The following RGS7 variants were observed in gnomAD, a reference collection of about 807,000 sequenced individuals.
The protein encoded by RGS7 is regulator of G protein signaling 7.
A neutral mutation model predicts 81.1 loss-of-function variants in RGS7; 27 were observed. The ratio of observed to expected loss-of-function variants is 0.33; its 90% CI spans 0.25 to 0.46. The LOEUF (loss-of-function observed/expected upper bound fraction) is 0.46. Among genes scored for constraint, RGS7 ranks in the 20% least tolerant of loss-of-function variants. RGS7 has a pLI of 1.00. For missense variants in RGS7, 396 were observed against 607.4 expected (o/e 0.65, Z 3.66); for synonymous variants, 208 against 207.7 (o/e 1.00, Z -0.01).
intron 2 of RGS7, among the ~76,000 whole-genome samples, chr1:241,310,460 AGAGT>A (rs1362017843): frequency 6.9e-5 from 7 of 101,298 alleles, no homozygotes; most frequent in African/African-American, 1.1e-4. Context: ...TGTGTGTGTG[AGAGT>A]GTGTGTGTCT....
chr1:241,355,916 G>A (rs142743714), intron 1 of RGS7, 90 bp from the exon 2 acceptor site: 11 of 745,332 alleles, frequency 1.5e-5, no homozygotes, highest in East Asian at 7.9e-5. Context: ...CACATGGCGC[G>A]TTCTTACAAA....
chr1:240,946,058 C>T (rs1225593726), intron 4 of RGS7, among the ~76,000 whole-genome samples: 1 of 152,020 alleles, frequency 6.6e-6, no homozygotes, highest in Non-Finnish European at 1.5e-5. Context: ...TTTCTGTTTG[C>T]TGTTTTAAAA....
At chr1:240,919,747 AT>A in intron 6 of RGS7, 1 of 645,114 alleles carries the variant, frequency 1.6e-6, no homozygotes, top group Non-Finnish European at 2.8e-6. Flanking sequence ...CTGAGGGGCC[AT>A]TTTCAGCAAT....
intron 2 of RGS7, among the ~76,000 whole-genome samples, chr1:241,109,621 G>T (rs751242594): frequency 2.8e-4 from 42 of 151,996 alleles, no homozygotes; most frequent in Non-Finnish European, 5.4e-4. Flanking sequence ...TCACCAACAG[G>T]ACGTATTACT....
intron 2 of RGS7, among the ~76,000 whole-genome samples, chr1:241,324,046 G>C (rs2081354609): frequency 6.6e-6 from 1 of 152,152 alleles, no homozygotes; most frequent in Admixed American, 6.5e-5. Context: ...TCAAAGGGTT[G>C]TTATGAGAAA....
intron 2 of RGS7, among the ~76,000 whole-genome samples, chr1:241,113,672 G>A (rs941403164): frequency 7.2e-5 from 11 of 152,174 alleles, no homozygotes; most frequent in East Asian, 5.8e-4. Flanking sequence ...TCTCAGGTCC[G>A]TCATTTGATG....
intron 2 of RGS7, among the ~76,000 whole-genome samples, chr1:241,159,155 A>G (rs188457188): frequency 8.1e-4 from 124 of 152,362 alleles, no homozygotes; most frequent in African/African-American, 2.8e-3. Flanking sequence ...CATTTTTACT[A>G]TATCAATTGC....
At chr1:240,885,879 G>A (rs1443577911) in intron 6 of RGS7, among the ~76,000 whole-genome samples, 3 of 151,984 alleles carry the variant, frequency 2.0e-5, no homozygotes, top group African/African-American at 4.8e-5. Flanking sequence ...ACAAACCTGC[G>A]CACATACTCC....
intron 3 of RGS7, among the ~76,000 whole-genome samples, chr1:241,047,224 G>A (rs1403259104): frequency 6.6e-6 from 1 of 152,154 alleles, no homozygotes; most frequent in Non-Finnish European, 1.5e-5. Context: ...ACAGCCCAGT[G>A]ACTAAAATGG....
intron 2 of RGS7, among the ~76,000 whole-genome samples, chr1:241,105,222 T>C (rs2065024280): frequency 1.3e-5 from 2 of 152,214 alleles, no homozygotes; most frequent in African/African-American, 4.8e-5. Flanking sequence ...TAGAGGAATT[T>C]CTTCCTTTAA....
At chr1:240,892,786 T>A (rs1260711552) in intron 6 of RGS7, among the ~76,000 whole-genome samples, 1 of 152,140 alleles carries the variant, frequency 6.6e-6, no homozygotes. Context: ...TGTCCATAAA[T>A]CTTTTTCAAC....
intron 3 of RGS7, chr1:240,998,307 A>G: frequency 2.5e-6 from 1 of 401,080 alleles, no homozygotes; most frequent in Non-Finnish European, 4.5e-6. Flanking sequence ...GGGCTTATTT[A>G]TCCTATTTGG....
intron 2 of RGS7, among the ~76,000 whole-genome samples, chr1:241,099,334 CACAT>C (rs1443206190): frequency 4.3e-5 from 6 of 140,530 alleles, no homozygotes; most frequent in Admixed American, 1.4e-4. Context: ...CACTCTCATG[CACAT>C]ACACTCATGC....
Position 240,794,663 on chromosome 1 carries a change from C to A in RGS7, c.*6+5978G>T, listed in dbSNP as rs145291209. On this transcript the variant is annotated intron_variant, in intron 18 of 18. Coordinates refer to ENST00000440928, the MANE Select transcript of RGS7 (RefSeq NM_001364886.1). Reference sequence around the variant, plus strand: ...AGAACCAAGGTCCATCCCAAACGTGCCAGGAATGGGCAGCTGAGGGACTGC... The same window carrying A: ...AGAACCAAGGTCCATCCCAAACGTGACAGGAATGGGCAGCTGAGGGACTGC... Among the ~76,000 whole-genome samples the A allele has an allele frequency of 7.2e-3, 1,101 of 152,236 alleles. 22 individuals carry two copies. The highest frequency in any genetic ancestry group is 0.024 in the South Asian group (117 of 4,826).
At chr1:241,287,818 G>A (rs1025325942) in intron 2 of RGS7, among the ~76,000 whole-genome samples, 1 of 152,022 alleles carries the variant, frequency 6.6e-6, no homozygotes, top group East Asian at 1.9e-4. Flanking sequence ...TCAAGATCTT[G>A]CCCTTTTCTA....
intron 9 of RGS7, among the ~76,000 whole-genome samples, chr1:240,850,950 G>T (rs1293776913): frequency 6.6e-6 from 1 of 152,148 alleles, no homozygotes; most frequent in Non-Finnish European, 1.5e-5. Context: ...AGCAGAGGTT[G>T]GTTCATGAAG....
chr1:241,277,140 T>C (rs2078236453), intron 2 of RGS7, among the ~76,000 whole-genome samples: 1 of 152,252 alleles, frequency 6.6e-6, no homozygotes. Context: ...TCTCCTATTG[T>C]ATGCATTGCT....
At chr1:241,169,791 T>C (rs1204404054) in intron 2 of RGS7, among the ~76,000 whole-genome samples, 1 of 152,224 alleles carries the variant, frequency 6.6e-6, no homozygotes, top group Non-Finnish European at 1.5e-5. Flanking sequence ...GTTTCATATA[T>C]GTACTTGTTT....
chr1:240,784,642 C>T (rs915940985), intron 18 of RGS7, among the ~76,000 whole-genome samples: 4 of 148,762 alleles, frequency 2.7e-5, no homozygotes, highest in Non-Finnish European at 5.9e-5. Flanking sequence ...TAAGACTCCG[C>T]CTCAAAAAAA....
Sources: gnomAD v4.1 joint callset for allele counts (sites outside exome capture counted in the v4.1 genomes callset) on GRCh38, gnomAD v4.1.1 for gene constraint, MANE v1.5 for transcripts, NCBI Gene and HGNC (gene_info 2026-07-23, HGNC 2026-07-21) for gene names.